CFAP58: variants seen among roughly 807,000 people sequenced by gnomAD.
CFAP58 encodes the protein cilia and flagella associated protein 58.
In CFAP58, 88 loss-of-function variants were observed where a neutral mutation model predicts 119.5. The ratio of observed to expected loss-of-function variants is 0.74; its 90% confidence interval spans 0.62 to 0.88. The LOEUF is 0.88. CFAP58 is among the 40% of genes least tolerant of loss of function. The pLI, the probability that CFAP58 is intolerant of heterozygous loss-of-function variation, is 0.00. For synonymous variants in CFAP58, 365 were observed against 366.3 expected (o/e 1.00, Z 0.04); for missense variants, 990 against 1,021.2 (o/e 0.97, Z 0.42).
At chr10:104,377,920 A>ATTTATC (rs1305016234) in intron 8 of CFAP58, among the ~76,000 whole-genome samples, 6 of 152,260 alleles carry the variant, frequency 3.9e-5, no homozygotes, top group Admixed American at 3.3e-4. Flanking sequence ...ATTTGTACAT[A>ATTTATC]TAAACAATAG....
intron 8 of CFAP58, among the ~76,000 whole-genome samples, chr10:104,378,449 A>T (rs146607274): frequency 2.0e-5 from 3 of 152,216 alleles, no homozygotes; most frequent in South Asian, 2.1e-4. Context: ...TTTCAGACCT[A>T]TCTGTGGTTC....
chr10:104,353,817 C>A, upstream of CFAP58: 2 of 1,543,424 alleles, frequency 1.3e-6, no homozygotes, highest in Non-Finnish European at 8.8e-7. Context: ...CGCGTCGCGC[C>A]TTTAGCTTCT....
intron 10 of CFAP58, 70 bp downstream of exon 10, chr10:104,392,464 C>A: frequency 9.0e-7 from 1 of 1,115,290 alleles, no homozygotes; most frequent in Non-Finnish European, 1.3e-6. Context: ...TTTCTGTTAT[C>A]CTAATGGCAG....
At chr10:104,382,328 G>T in intron 9 of CFAP58, 1 of 584,618 alleles carries the variant, frequency 1.7e-6, no homozygotes, top group Non-Finnish European at 3.2e-6. Flanking sequence ...CCTGTAGGGT[G>T]AGGCAGCAAA....
intron 17 of CFAP58, among the ~76,000 whole-genome samples, chr10:104,450,478 T>C (rs1207092837): frequency 6.6e-6 from 1 of 152,150 alleles, no homozygotes; most frequent in Non-Finnish European, 1.5e-5. Context: ...ATGACTTTTC[T>C]CCCCACACTA....
intron 1 of CFAP58, among the ~76,000 whole-genome samples, chr10:104,355,622 A>G (rs919235201): frequency 3.2e-4 from 49 of 152,326 alleles, no homozygotes; most frequent in African/African-American, 1.1e-3. Context: ...AGGACAGGAC[A>G]GTGCCTGGCA....
chr10:104,378,461 G>T (rs933129716), intron 8 of CFAP58, among the ~76,000 whole-genome samples: 1 of 152,210 alleles, frequency 6.6e-6, no homozygotes, highest in Non-Finnish European at 1.5e-5. Flanking sequence ...CTGTGGTTCT[G>T]TGTTGGTTAG....
At chr10:104,417,890 T>A (rs563853159) in intron 15 of CFAP58, among the ~76,000 whole-genome samples, 1 of 152,318 alleles carries the variant, frequency 6.6e-6, no homozygotes, top group East Asian at 1.9e-4. Context: ...TTAAGAAATA[T>A]CAGAGCTGCA....
intron 15 of CFAP58, among the ~76,000 whole-genome samples, chr10:104,423,578 T>C (rs1347099358): frequency 6.6e-6 from 1 of 151,064 alleles, no homozygotes; most frequent in Non-Finnish European, 1.5e-5. Flanking sequence ...AACAATAACA[T>C]GGCCAATAAC....
In CFAP58 at chr10:104,383,154, T is replaced by C. The variant is rs558687926; in HGVS notation, c.1365+2934T>C. On this transcript the variant is annotated intron_variant, in intron 9 of 17. Transcript: ENST00000369704. ...GTCCTTTCTCTGCATGGCACATTCC[T>C]ATTCACCCTTCGAGACCTAACTCAA... 3.3e-5 allele frequency among the ~76,000 whole-genome samples: 5 copies of C among 152,334 alleles called. No homozygotes were observed. The East Asian group carries it at 9.6e-4, about 29-fold the overall frequency.
At chr10:104,389,556 C>A (rs991673818) in intron 9 of CFAP58, among the ~76,000 whole-genome samples, 1 of 152,156 alleles carries the variant, frequency 6.6e-6, no homozygotes, top group Non-Finnish European at 1.5e-5. Context: ...TAAGCATTAA[C>A]CTTTCAGTCT....
At chr10:104,434,604 T>TAG (rs1300664946) in intron 15 of CFAP58, among the ~76,000 whole-genome samples, 2 of 152,078 alleles carry the variant, frequency 1.3e-5, no homozygotes, top group African/African-American at 2.4e-5. Flanking sequence ...GCAGAGATTC[T>TAG]AGAGAGAGAG....
intron 15 of CFAP58, among the ~76,000 whole-genome samples, chr10:104,445,652 A>G (rs2013102952): frequency 6.6e-6 from 1 of 152,170 alleles, no homozygotes; most frequent in Non-Finnish European, 1.5e-5. Context: ...TCAGGGTGAT[A>G]CCATGTCTTT....
chr10:104,438,221 T>C (rs2012965942), intron 15 of CFAP58, among the ~76,000 whole-genome samples: 1 of 152,296 alleles, frequency 6.6e-6, no homozygotes. Flanking sequence ...ATCTCATAAC[T>C]TCAGTGGGTT....
At chr10:104,404,277 C>T (rs1210562124) in intron 14 of CFAP58, among the ~76,000 whole-genome samples, 1 of 152,222 alleles carries the variant, frequency 6.6e-6, no homozygotes, top group Non-Finnish European at 1.5e-5. Context: ...GAACTGCCCT[C>T]TTTTTGAAAG....
chr10:104,345,924 T>C, the CFAP58 span, among the ~76,000 whole-genome samples: 1 of 152,136 alleles, frequency 6.6e-6, no homozygotes, highest in Non-Finnish European at 1.5e-5. Flanking sequence ...TTAAAATATA[T>C]TCACTGTGTT....
chr10:104,381,005 T>C (rs981725023), intron 9 of CFAP58, among the ~76,000 whole-genome samples: 3 of 151,864 alleles, frequency 2.0e-5, no homozygotes, highest in African/African-American at 7.3e-5. Flanking sequence ...CAAAAATTAG[T>C]TGGGCATGGT....
chr10:104,450,125 G>A lies in CFAP58; in HGVS notation c.2431G>A (p.Glu811Lys), dbSNP rs1589940651. Residue 811 changes from glutamate (E) to lysine (K), a missense_variant, in exon 17 of 18, where the codon GAG (glutamate) becomes AAG (lysine). Glu to Lys is a moderately conservative substitution (Grantham distance 56). Transcript: ENST00000369704. ...AGTACAGAGCAAAGAATATAAATAT[G>A]AGGTAGAGAAACTTACCAATGAGCT... The part of the protein sequence containing the change: ...YEVQSKEYKY[E>K]VEKLTNELQN... 6.2e-7 allele frequency: 1 copy of A among 1,612,284 alleles called. No individual in the cohort carries two copies. Among genetic ancestry groups the A allele is most frequent in the Non-Finnish European group, 8.5e-7 (1 of 1,178,810 alleles).
In CFAP58 at chr10:104,454,656, G is replaced by A. The variant is rs187629197; in HGVS notation, c.*126G>A. ...AGAATCCAGGATGGAAAGAAATGCA[G>A]AACTATCATAGTCACATACATATAA... On this transcript the variant is annotated 3_prime_UTR_variant, in exon 18 of 18. Coordinates refer to ENST00000369704, the MANE Select transcript of CFAP58 (RefSeq NM_001008723.2). The A allele has an allele frequency of 1.3e-5, 9 of 696,670 alleles. No individual in the cohort carries two copies. Among genetic ancestry groups the A allele is most frequent in the Middle Eastern group, 2.5e-4 (1 of 4,064 alleles). The allele number at this position is 696,670 out of a possible 1,614,324, so 43.2% of individuals were successfully genotyped here. A position where few individuals can be genotyped will look rare whatever the true frequency, so the allele number is the denominator to read the frequency against.
Sources: gnomAD v4.1 joint callset for allele counts (sites outside exome capture counted in the v4.1 genomes callset) on GRCh38, gnomAD v4.1.1 for gene constraint, MANE v1.5 for transcripts, NCBI Gene and HGNC (gene_info 2026-07-23, HGNC 2026-07-21) for gene names.